The following PRDM15 variants were observed in gnomAD, a reference collection of about 807,000 sequenced individuals.
The protein encoded by PRDM15 is PR domain zinc finger protein 15.
In PRDM15, 64 loss-of-function variants were observed where a neutral mutation model predicts 128.6. That is an observed-to-expected ratio of 0.50 (90% CI 0.41 to 0.61). The LOEUF (loss-of-function observed/expected upper bound fraction) is 0.61. PRDM15 is among the 20% of genes least tolerant of loss of function. The probability of loss-of-function intolerance (pLI) is 0.00; values close to 1 mark genes in which losing one functional copy is unlikely to be tolerated. For synonymous variants in PRDM15, 615 were observed against 621.8 expected (o/e 0.99, Z 0.16); for missense variants, 1,242 against 1,569.1 (o/e 0.79, Z 3.52).
rs182131754 is a variant in PRDM15, at chr21:41,810,714, G to C, written c.2476+39C>G. The C allele has an allele frequency of 6.4e-7, 1 of 1,557,226 alleles. No individual in the cohort carries two copies. Among genetic ancestry groups the C allele is most frequent in the Admixed American group, 1.7e-5 (1 of 59,956 alleles). On this transcript the variant is annotated intron_variant, in intron 20 of 23. Coordinates refer to ENST00000398548, the MANE Select transcript of PRDM15 (RefSeq NM_001040424.3). This position sits in a 1 kb window ranked among gnomAD's most constrained non-coding sequence, Gnocchi z 6.4. ...ACTCAGACAGCCCCGGCAGCCTGCC[G>C]CGTGCGCCCCGAAGGCTCCTTCAGG... is the stretch of plus-strand genomic sequence containing the variant.
rs375405435 is a variant in PRDM15, at chr21:41,808,133, G to A, written c.2652+2021C>T. On this transcript the variant is annotated intron_variant, in intron 21 of 23. Transcript: ENST00000398548. ...TACGCGGAAGTCTAGAAACCCACAC[G>A]TCATGGAGAGGAACCGCTCAAACGC... Among the ~76,000 whole-genome samples the A allele has an allele frequency of 2.1e-4, 32 of 152,336 alleles. 1 individual carries two copies. The East Asian group carries it at 3.1e-3, about 15-fold the overall frequency.
At chr21:41,858,394 C>T (rs1432058603) in intron 3 of PRDM15, among the ~76,000 whole-genome samples, 1 of 151,618 alleles carries the variant, frequency 6.6e-6, no homozygotes, top group East Asian at 1.9e-4. Flanking sequence ...ACAGGCCCCT[C>T]CGACAGAGGC....
chr21:41,850,292 C>T (rs895502166), intron 5 of PRDM15, among the ~76,000 whole-genome samples: 2 of 144,924 alleles, frequency 1.4e-5, no homozygotes, highest in Non-Finnish European at 3.0e-5. Context: ...CCCCCCCACA[C>T]TTTCCTCCTG....
intron 6 of PRDM15, among the ~76,000 whole-genome samples, chr21:41,841,702 ATACTC>A (rs1330476511): frequency 2.6e-5 from 4 of 152,254 alleles, no homozygotes. Context: ...AGATGTATAT[ATACTC>A]TACTTGTTAG....
At chr21:41,823,069 T>A in intron 14 of PRDM15, 1 of 486,672 alleles carries the variant, frequency 2.1e-6, no homozygotes, top group Non-Finnish European at 3.8e-6. Context: ...TGGGCCCTTA[T>A]AGAAGAGATC....
intron 1 of PRDM15, chr21:41,871,961 GA>G (rs901070348): frequency 4.9e-6 from 1 of 205,506 alleles, no homozygotes. Context: ...AAGGCCCCAG[GA>G]TACAATGGAA....
chr21:41,808,144 G>A (rs1399382684), intron 21 of PRDM15, among the ~76,000 whole-genome samples: 1 of 152,208 alleles, frequency 6.6e-6, no homozygotes, highest in Non-Finnish European at 1.5e-5. Context: ...TCATGGAGAG[G>A]AACCGCTCAA....
intron 21 of PRDM15, among the ~76,000 whole-genome samples, chr21:41,806,531 C>CCCATCACTACCACCAA (rs1568883904): frequency 2.9e-4 from 1 of 3,492 alleles, no homozygotes; most frequent in Non-Finnish European, 7.3e-4. Flanking sequence ...ATCACCACCA[C>CCCATCACTACCACCAA]CATCACTACC....
At chr21:41,815,882 C>T (rs1283006812) in intron 18 of PRDM15, 46 bp from the exon 19 acceptor site, 1 of 1,605,272 alleles carries the variant, frequency 6.2e-7, no homozygotes, top group Non-Finnish European at 8.5e-7. Context: ...CCCACGCAGC[C>T]CACCTGGGGG....
chr21:41,870,696 C>T (rs2064178526), intron 1 of PRDM15: 1 of 152,362 alleles, frequency 6.6e-6, no homozygotes, highest in African/African-American at 2.4e-5. Context: ...GAGATGTGTT[C>T]TGTCCAGCAG....
Position 41,828,871 on chromosome 21 carries a change from A to C in PRDM15, c.1367-538T>G, listed in dbSNP as rs1056156409. ...TGCCCATATTCCCCCCTTCACCCAA[A>C]TCCTCCTCAGCACACACACAATCAC... On this transcript the variant is annotated intron_variant, in intron 11 of 23. Transcript: ENST00000398548. This position sits in a 1 kb window ranked among gnomAD's most constrained non-coding sequence, Gnocchi z 5.7. 6.6e-6 allele frequency among the ~76,000 whole-genome samples: 1 copy of C among 151,312 alleles called. No homozygotes were observed. The highest frequency in any genetic ancestry group is 1.5e-5 in the Non-Finnish European group (1 of 67,796).
chr21:41,857,131 G>A (rs1379399560), intron 4 of PRDM15, 45 bp downstream of exon 4: 1 of 1,577,994 alleles, frequency 6.3e-7, no homozygotes, highest in African/African-American at 1.4e-5. Context: ...GGGAACGCCA[G>A]AAAAACACCC....
At chr21:41,846,713 G>A (rs1472955200) in intron 6 of PRDM15, among the ~76,000 whole-genome samples, 1 of 152,214 alleles carries the variant, frequency 6.6e-6, no homozygotes. Context: ...AGAAAACAGT[G>A]TCTGTCAGAT....
chr21:41,839,541 T>G, intron 7 of PRDM15, 82 bp downstream of exon 7: 14 of 766,962 alleles, frequency 1.8e-5, no homozygotes, highest in Non-Finnish European at 2.8e-5. Flanking sequence ...CGCCCCGCCC[T>G]CTGCCCCCTG....
In PRDM15 at chr21:41,821,523, G is replaced by A. The variant is rs76258482; in HGVS notation, c.1897-293C>T. On this transcript the variant is annotated intron_variant, in intron 15 of 23. Transcript: ENST00000398548. This position sits in a 1 kb window ranked among gnomAD's most constrained non-coding sequence, Gnocchi z 5.4. ...TGAGGGCTTCAGGCCTCAGCAGGGA[G>A]GAGGAGGGGGAGGAGAGAAGGGGAG... 0.029 allele frequency among the ~76,000 whole-genome samples: 4,473 copies of A among 152,240 alleles called. 235 individuals are homozygous for A. The highest frequency in any genetic ancestry group is 0.1 in the African/African-American group (4,201 of 41,522).
intron 1 of PRDM15, chr21:41,878,886 G>C (rs2064528151): frequency 2.1e-6 from 2 of 957,744 alleles, no homozygotes; most frequent in African/African-American, 1.8e-5. Context: ...GGGCGAGCGC[G>C]GCCCGGCAGC....
chr21:41,836,503 T>C lies in PRDM15; in HGVS notation c.1148A>G (p.Asn383Ser). The C allele has an allele frequency of 6.2e-7, 1 of 1,612,180 alleles. No homozygotes were observed. The highest frequency in any genetic ancestry group is 8.5e-7 in the Non-Finnish European group (1 of 1,179,848). The stretch of plus-strand genomic sequence containing the variant: ...CACGTGCCTGCTCAGGTTGCTGCTG[T>C]TCTGGAAGATCTTGCTGCAGATATT... ...QCNICSKIFQ[N>S]SSNLSRHVRS... Residue 383 changes from asparagine to serine, a missense_variant, in exon 9 of 24, where the codon AAC becomes AGC. Transcript: ENST00000398548.
chr21:41,824,491 A>G (rs1389867093), intron 13 of PRDM15, among the ~76,000 whole-genome samples: 2 of 151,800 alleles, frequency 1.3e-5, no homozygotes, highest in Non-Finnish European at 2.9e-5. Flanking sequence ...TTTATTCAAT[A>G]AACACTGCAC....
chr21:41,859,540 T>G lies in PRDM15; in HGVS notation c.131+52A>C. 6.8e-7 allele frequency: 1 copy of G among 1,464,718 alleles called. No individual in the cohort carries two copies. The highest frequency in any genetic ancestry group is 9.5e-7 in the Non-Finnish European group (1 of 1,050,990). The allele number at this position is 1,464,718 out of a possible 1,614,324, so 90.7% of individuals were successfully genotyped here. A position where few individuals can be genotyped will look rare whatever the true frequency, so the allele number is the denominator to read the frequency against. On this transcript the variant is annotated intron_variant, in intron 3 of 23. Transcript: ENST00000398548. The surrounding 1 kb of genome is among the most constrained non-coding windows in gnomAD (Gnocchi z 5.3). ...TCTGCAGACCCAAAGGCCACTAGGC[T>G]CCTGCCGCAGCTGGCATATGGAAGG...
Sources: allele counts gnomAD v4.1 joint callset (sites outside exome capture counted in the v4.1 genomes callset), GRCh38; gene constraint gnomAD v4.1.1; non-coding constraint Gnocchi (gnomAD v3.1); transcripts MANE v1.5; gene names NCBI Gene and HGNC (gene_info 2026-07-23, HGNC 2026-07-21).